Variants in SH3GL3 observed in about 807,000 individuals in gnomAD.
SH3GL3 encodes SH3 domain containing GRB2 like 3, endophilin A3.
Under a neutral mutation model 47.7 loss-of-function variants are expected in SH3GL3, and 33 were observed. That is an observed-to-expected ratio of 0.69 (90% CI 0.52 to 0.92). The LOEUF (loss-of-function observed/expected upper bound fraction) is 0.92, where lower values mean the gene tolerates loss of function less well. SH3GL3 is among the 40% of genes least tolerant of loss of function. The probability of loss-of-function intolerance (pLI) is 0.00; values close to 1 mark genes in which losing one functional copy is unlikely to be tolerated. For missense variants in SH3GL3, 363 were observed against 417.8 expected, an observed-to-expected ratio of 0.87 and a Z score of 1.14; for synonymous variants, 155 against 148.8, an observed-to-expected ratio of 1.04 and a Z score of -0.30.
the SH3GL3 span, among the ~76,000 whole-genome samples, chr15:83,631,879 G>A: frequency 2.0e-5 from 3 of 152,164 alleles, no homozygotes; most frequent in Non-Finnish European, 2.9e-5. Context: ...AATTTCTGAA[G>A]GTGGCTTGAA....
chr15:83,528,867 C>T (rs1038788664), intron 1 of SH3GL3, among the ~76,000 whole-genome samples: 1 of 151,870 alleles, frequency 6.6e-6, no homozygotes, highest in Non-Finnish European at 1.5e-5. Context: ...GTCATATTTC[C>T]TTGCTCTTTC....
chr15:83,583,637 T>C (rs1301600103), intron 6 of SH3GL3, among the ~76,000 whole-genome samples: 1 of 152,196 alleles, frequency 6.6e-6, no homozygotes, highest in Non-Finnish European at 1.5e-5. Context: ...CCATATATGC[T>C]GCTAATCATC....
At chr15:83,588,512 C>G in intron 7 of SH3GL3, 150 bp from the exon 8 acceptor site, 1 of 603,354 alleles carries the variant, frequency 1.7e-6, no homozygotes, top group Admixed American at 2.8e-5. Flanking sequence ...TCCATCACTT[C>G]GGGCTACTCA....
intron 8 of SH3GL3, among the ~76,000 whole-genome samples, chr15:83,597,412 T>C (rs573387587): frequency 2.2e-4 from 34 of 152,294 alleles, no homozygotes; most frequent in Non-Finnish European, 4.6e-4. Context: ...CCTTTCGCTG[T>C]GTAAGGTAAC....
intron 1 of SH3GL3, among the ~76,000 whole-genome samples, chr15:83,510,094 T>C (rs1222875341): frequency 6.7e-6 from 1 of 150,192 alleles, no homozygotes; most frequent in Non-Finnish European, 1.5e-5. Flanking sequence ...AAGGATTCTT[T>C]TTTTTTTTTG....
chr15:83,496,765 A>C (rs953939739), intron 1 of SH3GL3, among the ~76,000 whole-genome samples: 3 of 152,066 alleles, frequency 2.0e-5, no homozygotes, highest in Non-Finnish European at 4.4e-5. Flanking sequence ...CTGACTGTGG[A>C]CTATTGTGAG....
chr15:83,460,040 CCCT>C (rs2040202731), intron 1 of SH3GL3, among the ~76,000 whole-genome samples: 1 of 58,480 alleles, frequency 1.7e-5, no homozygotes, highest in Non-Finnish European at 3.3e-5. Flanking sequence ...CTCCCTCCCT[CCCT>C]CCCTCCCTCC....
chr15:83,626,907 G>A, the SH3GL3 span, among the ~76,000 whole-genome samples: 1 of 152,136 alleles, frequency 6.6e-6, no homozygotes, highest in African/African-American at 2.4e-5. Context: ...AACAATTAGG[G>A]TATTTTTCTC....
intron 1 of SH3GL3, 142 bp from the exon 2 acceptor site, chr15:83,559,111 C>G: frequency 1.6e-6 from 1 of 622,144 alleles, no homozygotes. Context: ...GTTACCCCTT[C>G]CAACAATTTT....
chr15:83,592,551 TC>T (rs1329644675), intron 8 of SH3GL3, among the ~76,000 whole-genome samples: 1 of 152,198 alleles, frequency 6.6e-6, no homozygotes, highest in Non-Finnish European at 1.5e-5. Flanking sequence ...TGGCTTTCAC[TC>T]CTCCCCAAGC....
chr15:83,577,370 G>A (rs2059711024), intron 6 of SH3GL3, among the ~76,000 whole-genome samples: 1 of 152,124 alleles, frequency 6.6e-6, no homozygotes, highest in Non-Finnish European at 1.5e-5. Context: ...CTGCCTGAGA[G>A]ATTGATTGCT....
chr15:83,582,029 A>C (rs1454633026), intron 6 of SH3GL3, among the ~76,000 whole-genome samples: 2 of 152,230 alleles, frequency 1.3e-5, no homozygotes, highest in Non-Finnish European at 2.9e-5. Flanking sequence ...AGAAGTAACC[A>C]GGGCAGCCCT....
the SH3GL3 span, among the ~76,000 whole-genome samples, chr15:83,624,681 T>C: frequency 6.6e-6 from 1 of 152,020 alleles, no homozygotes; most frequent in African/African-American, 2.4e-5. Context: ...AGGGCAGGGG[T>C]CTAGGAATAA....
chr15:83,627,035 A>G, the SH3GL3 span, among the ~76,000 whole-genome samples: 1 of 152,166 alleles, frequency 6.6e-6, no homozygotes, highest in African/African-American at 2.4e-5. Flanking sequence ...TACTAATTAT[A>G]CTTATCAGTC....
intron 8 of SH3GL3, among the ~76,000 whole-genome samples, chr15:83,612,770 A>G (rs2060703101): frequency 2.0e-5 from 3 of 152,108 alleles, no homozygotes; most frequent in Non-Finnish European, 4.4e-5. Context: ...ATGGCAGGAA[A>G]CAGCTCCTCC....
At chr15:83,449,572 T>G (rs917743558) in intron 1 of SH3GL3, among the ~76,000 whole-genome samples, 4 of 152,248 alleles carry the variant, frequency 2.6e-5, no homozygotes, top group Non-Finnish European at 5.9e-5. Flanking sequence ...TTAAGTTGGT[T>G]TCTGACAGTA....
the SH3GL3 span, among the ~76,000 whole-genome samples, chr15:83,627,552 T>A: frequency 5.3e-5 from 8 of 152,210 alleles, no homozygotes; most frequent in African/African-American, 1.7e-4. Flanking sequence ...TTAAATGGTT[T>A]CGATGAGTGG....
intron 1 of SH3GL3, among the ~76,000 whole-genome samples, chr15:83,484,736 T>G (rs1394975190): frequency 6.6e-6 from 1 of 152,218 alleles, no homozygotes; most frequent in Non-Finnish European, 1.5e-5. Flanking sequence ...CATGCATTTA[T>G]ATTAAACTTA....
At chr15:83,462,542 T>C (rs527377995) in intron 1 of SH3GL3, among the ~76,000 whole-genome samples, 18 of 152,364 alleles carry the variant, frequency 1.2e-4, no homozygotes, top group South Asian at 4.1e-4. Flanking sequence ...CTATGCCAAG[T>C]CTTACCCAGT....
Sources: allele counts gnomAD v4.1 joint callset (sites outside exome capture counted in the v4.1 genomes callset), GRCh38; gene constraint gnomAD v4.1.1; transcripts MANE v1.5; gene names NCBI Gene and HGNC (gene_info 2026-07-23, HGNC 2026-07-21).